FGF12: variants seen among roughly 807,000 people sequenced by gnomAD.
FGF12 encodes the protein fibroblast growth factor 12, also known as fibroblast growth factor 12B.
FGF12 carries 14 observed loss-of-function variants against 23.6 expected under a neutral mutation model. The ratio of observed to expected loss-of-function variants is 0.59; its 90% CI spans 0.39 to 0.93. The LOEUF (loss-of-function observed/expected upper bound fraction) is 0.93. Ranked by LOEUF, FGF12 falls within the 40% of genes least tolerant of loss-of-function variation. The pLI, the probability that FGF12 is intolerant of heterozygous loss-of-function variation, is 0.00. For missense variants in FGF12, 175 were observed against 217.8 expected (o/e 0.80, Z 1.24); for synonymous variants, 62 against 77.3 (o/e 0.80, Z 1.04).
chr3:192,347,996 C>T (rs543199977), intron 3 of FGF12, among the ~76,000 whole-genome samples: 1 of 152,218 alleles, frequency 6.6e-6, no homozygotes, highest in Non-Finnish European at 1.5e-5. Flanking sequence ...TATTAATATC[C>T]ATGATTGTCT....
intron 4 of FGF12, among the ~76,000 whole-genome samples, chr3:192,277,866 G>A (rs1025272785): frequency 1.1e-4 from 16 of 152,274 alleles, no homozygotes; most frequent in African/African-American, 3.4e-4. Flanking sequence ...GGGTTCAAGC[G>A]ATTCTTCTGC....
At chr3:192,419,026 A>G (rs1721440714) in intron 2 of FGF12, among the ~76,000 whole-genome samples, 1 of 152,182 alleles carries the variant, frequency 6.6e-6, no homozygotes, top group South Asian at 2.1e-4. Context: ...CAAGGCCAAC[A>G]CTGTTATTCA....
intron 2 of FGF12, among the ~76,000 whole-genome samples, chr3:192,546,512 G>A (rs1009529845): frequency 5.4e-5 from 8 of 149,464 alleles, no homozygotes; most frequent in African/African-American, 1.2e-4. Context: ...AGGATATTTC[G>A]ACAGATAAAG....
chr3:192,331,366 C>G, intron 4 of FGF12, among the ~76,000 whole-genome samples: 1 of 142,918 alleles, frequency 7.0e-6, no homozygotes, highest in Non-Finnish European at 1.5e-5. Flanking sequence ...TATAATCCAA[C>G]AAGATCTTGA....
intron 4 of FGF12, among the ~76,000 whole-genome samples, chr3:192,239,791 T>C (rs1719504118): frequency 6.6e-6 from 1 of 152,204 alleles, no homozygotes. Context: ...AAAAATTGCG[T>C]TCCAAGAAAC....
At chr3:192,411,971 A>G (rs1690933605) in intron 2 of FGF12, among the ~76,000 whole-genome samples, 1 of 152,014 alleles carries the variant, frequency 6.6e-6, no homozygotes, top group Admixed American at 6.6e-5. Context: ...TTTTTTTCCA[A>G]AGAAAATGCA....
intron 4 of FGF12, among the ~76,000 whole-genome samples, chr3:192,268,904 T>A (rs1050854020): frequency 5.3e-5 from 8 of 152,146 alleles, no homozygotes; most frequent in Non-Finnish European, 1.2e-4. Context: ...TATTTTTATT[T>A]ATTTATTTTT....
At chr3:192,703,613 T>C (rs191355926) in intron 2 of FGF12, among the ~76,000 whole-genome samples, 27 of 152,348 alleles carry the variant, frequency 1.8e-4, no homozygotes, top group Admixed American at 3.9e-4. Flanking sequence ...GTAGAACTTC[T>C]TTCAAAACTG....
intron 5 of FGF12, among the ~76,000 whole-genome samples, chr3:192,155,166 T>C (rs1470364911): frequency 1.3e-5 from 2 of 152,070 alleles, no homozygotes; most frequent in Non-Finnish European, 1.5e-5. Flanking sequence ...CTCGCCCTGC[T>C]TCGGCTCGCG....
At chr3:192,430,487 A>G (rs1017501003) in intron 2 of FGF12, among the ~76,000 whole-genome samples, 2 of 152,234 alleles carry the variant, frequency 1.3e-5, no homozygotes. Flanking sequence ...AAAATAGTAA[A>G]GATGGTAAAG....
intron 2 of FGF12, among the ~76,000 whole-genome samples, chr3:192,689,153 A>G (rs1424271161): frequency 1.3e-5 from 2 of 152,190 alleles, no homozygotes; most frequent in African/African-American, 4.8e-5. Context: ...GAAGGAATAC[A>G]TTCTAATGTT....
chr3:192,368,842 A>G (rs1004824894), intron 2 of FGF12, among the ~76,000 whole-genome samples: 10 of 152,134 alleles, frequency 6.6e-5, no homozygotes, highest in African/African-American at 2.4e-4. Flanking sequence ...TTAATGAGAA[A>G]GTCTGCCAGC....
chr3:192,454,164 G>A (rs1430727860), intron 2 of FGF12, among the ~76,000 whole-genome samples: 2 of 151,950 alleles, frequency 1.3e-5, no homozygotes, highest in Non-Finnish European at 2.9e-5. Context: ...TCAGCCTCCT[G>A]AGTAGCTGGG....
chr3:192,659,668 T>A (rs1302971079), intron 2 of FGF12, among the ~76,000 whole-genome samples: 2 of 152,190 alleles, frequency 1.3e-5, no homozygotes, highest in Non-Finnish European at 2.9e-5. Context: ...GGTACAGAAA[T>A]TCCAAGTAGG....
At chr3:192,600,256 G>C (rs1049096538) in intron 2 of FGF12, among the ~76,000 whole-genome samples, 3 of 151,856 alleles carry the variant, frequency 2.0e-5, no homozygotes, top group East Asian at 1.9e-4. Flanking sequence ...CTATGTGTCT[G>C]TTTTTATAAC....
chr3:192,669,143 A>G (rs1357258619), intron 2 of FGF12, among the ~76,000 whole-genome samples: 1 of 152,234 alleles, frequency 6.6e-6, no homozygotes, highest in African/African-American at 2.4e-5. Context: ...TAAATCGTAT[A>G]TGTTAGAGTA....
intron 2 of FGF12, among the ~76,000 whole-genome samples, chr3:192,687,586 C>T (rs944297375): frequency 6.6e-6 from 1 of 152,080 alleles, no homozygotes; most frequent in Non-Finnish European, 1.5e-5. Flanking sequence ...GGCCCAGGGG[C>T]CCAGCCATCA....
chr3:192,683,495 G>A lies in FGF12; in HGVS notation c.13+43686C>T, dbSNP rs999589216. ...GATAGTGTTTTCAAATCATGGTTAT[G>A]TTGGTGTGATGAATGACATAAAAAA... On this transcript the variant is annotated intron_variant, in intron 2 of 5. Coordinates refer to ENST00000445105, the MANE Select transcript of FGF12 (RefSeq NM_004113.6). Among the ~76,000 whole-genome samples, 5 of 152,186 alleles carry A rather than the reference G, an allele frequency of 3.3e-5. No individual in the cohort carries two copies. In the East Asian group the frequency reaches 7.7e-4, roughly 23 times the overall value.
intron 4 of FGF12, among the ~76,000 whole-genome samples, chr3:192,263,477 A>G (rs1712885832): frequency 6.6e-6 from 1 of 151,916 alleles, no homozygotes; most frequent in East Asian, 1.9e-4. Context: ...GCTAATTTAT[A>G]CCACTGGTTT....
Sources: allele counts gnomAD v4.1 joint callset (sites outside exome capture counted in the v4.1 genomes callset), GRCh38; gene constraint gnomAD v4.1.1; transcripts MANE v1.5; gene names NCBI Gene and HGNC (gene_info 2026-07-23, HGNC 2026-07-21).